Variants in AGO2 observed in about 807,000 individuals in gnomAD.
AGO2 encodes argonaute RISC catalytic component 2, also known as protein argonaute-2.
Under a neutral mutation model 102.3 loss-of-function variants are expected in AGO2, and 5 were observed. The observed-to-expected ratio is 0.05, with a 90% CI of 0.03 to 0.10. The LOEUF is 0.10. AGO2 is among the 10% of genes least tolerant of loss of function. The pLI, the probability that AGO2 is intolerant of heterozygous loss-of-function variation, is 1.00. For synonymous variants in AGO2, 449 were observed against 473.1 expected (o/e 0.95, Z 0.66); for missense variants, 541 against 1,183.7 (o/e 0.46, Z 7.97).
intron 1 of AGO2, among the ~76,000 whole-genome samples, chr8:140,628,893 T>A (rs1282774274): frequency 6.6e-6 from 1 of 151,786 alleles, no homozygotes; most frequent in East Asian, 1.9e-4. Context: ...TCGAGACCAG[T>A]CTGGGCAACA....
chr8:140,584,092 C>T (rs983917532), intron 2 of AGO2, among the ~76,000 whole-genome samples: 1 of 141,584 alleles, frequency 7.1e-6, no homozygotes, highest in African/African-American at 2.6e-5. Flanking sequence ...CTAGAATATA[C>T]TAAAAACTCT....
chr8:140,616,913 C>T (rs2074148679), intron 1 of AGO2, among the ~76,000 whole-genome samples: 1 of 152,224 alleles, frequency 6.6e-6, no homozygotes, highest in African/African-American at 2.4e-5. Context: ...TCCAGCGGAG[C>T]CCTGCGTGTT....
At chr8:140,572,974 G>C in intron 2 of AGO2, 42 bp from the exon 3 acceptor site, 1 of 1,576,324 alleles carries the variant, frequency 6.3e-7, no homozygotes, top group East Asian at 2.3e-5. Flanking sequence ...CAATAAAATG[G>C]AGAAAATGGC....
At chr8:140,611,330 G>GT (rs57728629) in intron 1 of AGO2, among the ~76,000 whole-genome samples, 60,705 of 147,704 alleles carry the variant, frequency 0.41, 13,069 homozygotes, top group Non-Finnish European at 0.5. Context: ...TTAAGCCTTT[G>GT]TTTTTTTTTT....
chr8:140,557,361 G>A lies in AGO2; in HGVS notation c.879-125C>T, dbSNP rs1588454783. 8.4e-7 allele frequency: 1 copy of A among 1,195,562 alleles called. No individual in the cohort carries two copies. The allele number at this position is 1,195,562 out of a possible 1,614,324, so 74.1% of individuals were successfully genotyped here. A position where few individuals can be genotyped will look rare whatever the true frequency, so the allele number is the denominator to read the frequency against. On this transcript the variant is annotated intron_variant, in intron 7 of 18. Coordinates refer to ENST00000220592, the MANE Select transcript of AGO2 (RefSeq NM_012154.5). The surrounding 1 kb of genome is among the most constrained non-coding windows in gnomAD (Gnocchi z 5.9). ...GCAAACATTCAGAGCACTTCCGGGA[G>A]TGAAAACCATGTCATGTGCTTTGGG...
At position 140,530,917 on chromosome 8, in the gene AGO2, G is replaced by A. The variant is rs1267117839; in HGVS notation, c.*1127C>T. The stretch of plus-strand genomic sequence containing the variant: ...TGAGTGAGTGACACACGGGGATGAG[G>A]CGGCAGGGAGGGTGGCGAGCGGCGC... On this transcript the variant is annotated 3_prime_UTR_variant, in exon 19 of 19. Coordinates refer to ENST00000220592, the MANE Select transcript of AGO2 (RefSeq NM_012154.5). The A allele has an allele frequency of 6.6e-6, 1 of 152,368 alleles. No homozygotes were observed. Among genetic ancestry groups the A allele is most frequent in the Non-Finnish European group, 1.5e-5 (1 of 68,070 alleles). 9.4% of individuals were successfully genotyped at this position (152,368 alleles called of 1,614,324 possible).
chr8:140,567,594 G>T lies in AGO2; in HGVS notation c.337-4960C>A, dbSNP rs577344083. On this transcript the variant is annotated intron_variant, in intron 3 of 18. Transcript: ENST00000220592. The surrounding 1 kb of genome is among the most constrained non-coding windows in gnomAD (Gnocchi z 5.0). ...AATTGTGTTGCAGCGCTACAATCTG[G>T]GAGTGGCCCAACTGCCATTTTCTGA... Among the ~76,000 whole-genome samples, 2 of 152,204 alleles carry T rather than the reference G, an allele frequency of 1.3e-5. No homozygotes were observed. The highest frequency in any genetic ancestry group is 2.9e-5 in the Non-Finnish European group (2 of 68,042).
upstream of AGO2, chr8:140,637,240 C>T (rs1267050118): frequency 6.6e-6 from 1 of 152,212 alleles, no homozygotes; most frequent in Non-Finnish European, 1.5e-5. Flanking sequence ...TATTTATGAA[C>T]CATGCAACCT....
At chr8:140,584,299 C>T (rs1182340369) in intron 2 of AGO2, among the ~76,000 whole-genome samples, 1 of 152,092 alleles carries the variant, frequency 6.6e-6, no homozygotes, top group Non-Finnish European at 1.5e-5. Flanking sequence ...CACTACTCAC[C>T]CACCGAAACA....
intron 3 of AGO2, among the ~76,000 whole-genome samples, chr8:140,569,694 G>A (rs2073346955): frequency 6.6e-6 from 1 of 152,158 alleles, no homozygotes. Context: ...TGATCAACTT[G>A]TATAGTTTCC....
upstream of AGO2, among the ~76,000 whole-genome samples, chr8:140,639,464 G>A (rs2074428698): frequency 7.1e-6 from 1 of 140,476 alleles, no homozygotes; most frequent in Admixed American, 7.5e-5. Context: ...CTGGAGGACA[G>A]AGCGAAACTC....
chr8:140,562,690 C>T (rs547019845), intron 3 of AGO2, 56 bp from the exon 4 acceptor site: 85 of 1,566,866 alleles, frequency 5.4e-5, no homozygotes, highest in African/African-American at 3.9e-4. Context: ...CCAGGGAGGA[C>T]GCAGCCTGGC....
intron 1 of AGO2, among the ~76,000 whole-genome samples, chr8:140,629,886 A>G (rs1242805330): frequency 3.4e-5 from 2 of 58,934 alleles, no homozygotes; most frequent in South Asian, 6.3e-4. Flanking sequence ...CAGGGGGAAG[A>G]GGAGGGGAGG....
In AGO2 at chr8:140,539,242, G is replaced by T. The variant is rs1405015176; in HGVS notation, c.2169+78C>A. Reference sequence around the variant, plus strand: ...GGGACAGCGGCACTGTGGCCAGCAGGTTCTCTTGTGAGTGTGCTCGGGGTG... The same window carrying T: ...GGGACAGCGGCACTGTGGCCAGCAGTTTCTCTTGTGAGTGTGCTCGGGGTG... On this transcript the variant is annotated intron_variant, in intron 16 of 18. Coordinates refer to ENST00000220592, the MANE Select transcript of AGO2 (RefSeq NM_012154.5). This position sits in a 1 kb window ranked among gnomAD's most constrained non-coding sequence, Gnocchi z 4.7. 2.2e-5 allele frequency: 32 copies of T among 1,479,556 alleles called. No homozygotes were observed. The highest frequency in any genetic ancestry group is 9.4e-5 in the South Asian group (7 of 74,732). 91.7% of individuals were successfully genotyped at this position (1,479,556 alleles called of 1,614,324 possible).
intron 2 of AGO2, among the ~76,000 whole-genome samples, chr8:140,573,421 C>T (rs1042068837): frequency 6.6e-5 from 10 of 152,052 alleles, no homozygotes; most frequent in African/African-American, 2.4e-4. Context: ...TCAAGTGATC[C>T]ACCCGCCTTG....
At chr8:140,638,460 C>G (rs1232841808), upstream of AGO2, among the ~76,000 whole-genome samples, 1 of 152,204 alleles carries the variant, frequency 6.6e-6, no homozygotes, top group African/African-American at 2.4e-5. Flanking sequence ...CAACCTGTCC[C>G]AAACCCATTT....
upstream of AGO2, among the ~76,000 whole-genome samples, chr8:140,635,873 G>A (rs1407031239): frequency 6.8e-6 from 1 of 147,224 alleles, no homozygotes; most frequent in Non-Finnish European, 1.5e-5. Flanking sequence ...GCCGGGCGGT[G>A]GGAACCGCGG....
At chr8:140,552,721 CACAT>C (rs2073019606) in intron 10 of AGO2, among the ~76,000 whole-genome samples, 1 of 147,770 alleles carries the variant, frequency 6.8e-6, no homozygotes, top group Non-Finnish European at 1.5e-5. Context: ...TGAACACACG[CACAT>C]GCACGCGCGC....
intron 1 of AGO2, among the ~76,000 whole-genome samples, chr8:140,611,964 C>T (rs1278825360): frequency 6.6e-6 from 1 of 152,142 alleles, no homozygotes; most frequent in Admixed American, 6.5e-5. Context: ...GTGGCTCACG[C>T]CTGTAATCCC....
Sources: allele counts gnomAD v4.1 joint callset (sites outside exome capture counted in the v4.1 genomes callset), GRCh38; gene constraint gnomAD v4.1.1; non-coding constraint Gnocchi (gnomAD v3.1); transcripts MANE v1.5; gene names NCBI Gene and HGNC (gene_info 2026-07-23, HGNC 2026-07-21).